Variants in PHLPP1 observed in about 807,000 individuals in gnomAD.
PHLPP1 encodes the protein PH domain leucine-rich repeat-containing protein phosphatase 1.
In PHLPP1, 42 loss-of-function variants were observed where a neutral mutation model predicts 117.2. The observed-to-expected ratio is 0.36, with a 90% CI of 0.28 to 0.46. The LOEUF is 0.46. Ranked by LOEUF, PHLPP1 falls within the 20% of genes least tolerant of loss-of-function variation. PHLPP1 has a pLI of 1.00. For missense variants in PHLPP1, 2,084 were observed against 2,241.9 expected, an observed-to-expected ratio of 0.93 and a Z score of 1.42; for synonymous variants, 1,042 against 970.7, an observed-to-expected ratio of 1.07 and a Z score of -1.37.
chr18:62,857,328 A>ATTTG (rs1206189733), intron 3 of PHLPP1, among the ~76,000 whole-genome samples: 3 of 151,034 alleles, frequency 2.0e-5, no homozygotes, highest in Non-Finnish European at 4.5e-5. Context: ...TGCAGTTTGC[A>ATTTG]TTTGTATCAA....
chr18:62,859,207 C>T (rs1915571424), intron 3 of PHLPP1, among the ~76,000 whole-genome samples: 1 of 152,210 alleles, frequency 6.6e-6, no homozygotes, highest in African/African-American at 2.4e-5. Context: ...ACTGTACTCC[C>T]ATTGCCTCTG....
intron 3 of PHLPP1, among the ~76,000 whole-genome samples, chr18:62,847,608 G>A (rs2144349108): frequency 6.6e-6 from 1 of 152,328 alleles, no homozygotes. Context: ...TTGTAAGGTA[G>A]TTGACAAGAA....
chr18:62,856,258 T>C (rs1194866809), intron 3 of PHLPP1, among the ~76,000 whole-genome samples: 1 of 152,018 alleles, frequency 6.6e-6, no homozygotes, highest in African/African-American at 2.4e-5. Context: ...TCAGAACCTT[T>C]CCACACATCC....
chr18:62,838,775 CT>C lies in PHLPP1; in HGVS notation c.1774-5del. ...ACTTGTTTCTGCTTCTCTCTGTTTG[CT>C]TTTATAGGTAGAAGAAGTGAAAAAG... On this transcript the variant is annotated splice_region_variant and splice_polypyrimidine_tract_variant and intron_variant, in intron 2 of 16. Coordinates refer to ENST00000262719, the MANE Select transcript of PHLPP1 (RefSeq NM_194449.4). The C allele has an allele frequency of 6.2e-7, 1 of 1,613,436 alleles. No individual in the cohort carries two copies. The highest frequency in any genetic ancestry group is 8.5e-7 in the Non-Finnish European group (1 of 1,179,584).
intron 1 of PHLPP1, among the ~76,000 whole-genome samples, chr18:62,788,674 T>C (rs1319457136): frequency 6.6e-6 from 1 of 152,212 alleles, no homozygotes; most frequent in East Asian, 1.9e-4. Flanking sequence ...ACATCAATCT[T>C]GAGTTGTAAA....
chr18:62,848,536 C>A (rs1336809412), intron 3 of PHLPP1, among the ~76,000 whole-genome samples: 1 of 130,888 alleles, frequency 7.6e-6, no homozygotes, highest in Non-Finnish European at 1.5e-5. Flanking sequence ...GATTACAGTT[C>A]ACTGCAGGCT....
chr18:62,716,487 C>A lies in PHLPP1; in HGVS notation c.804C>A (p.Gly268=), dbSNP rs1423281513. 1 of 1,215,310 alleles carries A rather than the reference C, an allele frequency of 8.2e-7. No individual in the cohort carries two copies. The highest frequency in any genetic ancestry group is 1.0e-6 in the Non-Finnish European group (1 of 979,088). The allele number at this position is 1,215,310 out of a possible 1,614,324, so 75.3% of individuals were successfully genotyped here. ...CCGCTGAACCGCCCCCCGAGGCCGG[C>A]CCCCGGCTGGCGCCCCCGGAGCCGC... is the stretch of plus-strand genomic sequence containing the variant. ...REPAEPPPEA[G]PRLAPPEPRD... is the part of the protein sequence containing the mutation. The change falls in exon 1 of 17, where the codon GGC becomes GGA. Residue 268 remains glycine (G), a synonymous_variant. Transcript: ENST00000262719. This position sits in a 1 kb window ranked among gnomAD's most constrained non-coding sequence, Gnocchi z 5.7.
chr18:62,941,678 T>A, intron 10 of PHLPP1, 40 bp from the exon 11 acceptor site: 1 of 1,512,924 alleles, frequency 6.6e-7, no homozygotes. Context: ...AGGGTTTTTG[T>A]GACTTTTCAA....
intron 3 of PHLPP1, among the ~76,000 whole-genome samples, chr18:62,855,512 G>T (rs1915471733): frequency 6.6e-6 from 1 of 152,230 alleles, no homozygotes; most frequent in Admixed American, 6.5e-5. Context: ...ATGGGACTGG[G>T]CAGTGGTGTA....
intron 1 of PHLPP1, among the ~76,000 whole-genome samples, chr18:62,757,605 G>C (rs978696170): frequency 6.6e-6 from 1 of 152,214 alleles, no homozygotes; most frequent in Non-Finnish European, 1.5e-5. Flanking sequence ...CTGGCAGTGT[G>C]CTGGTAGAGG....
At chr18:62,806,439 A>G (rs1913955096) in intron 1 of PHLPP1, among the ~76,000 whole-genome samples, 1 of 152,192 alleles carries the variant, frequency 6.6e-6, no homozygotes, top group Non-Finnish European at 1.5e-5. Flanking sequence ...TAAGGCATAA[A>G]AATGATCATA....
At position 62,876,551 on chromosome 18, in the gene PHLPP1, C is replaced by A. The variant is rs1293194875; in HGVS notation, c.2066+15950C>A. Among the ~76,000 whole-genome samples, 6 of 152,152 alleles carry A rather than the reference C, an allele frequency of 3.9e-5. No homozygotes were observed. In the East Asian group the frequency reaches 1.2e-3, roughly 29 times the overall value. On this transcript the variant is annotated intron_variant, in intron 4 of 16. Transcript: ENST00000262719. ...CTGTAAAGTCCTTAATAAATACTCA[C>A]TGAACTGAATTGTTGGTTTTCCCAC... is the stretch of plus-strand genomic sequence containing the variant.
chr18:62,844,257 T>C (rs1436147096), intron 3 of PHLPP1, among the ~76,000 whole-genome samples: 1 of 152,108 alleles, frequency 6.6e-6, no homozygotes, highest in Non-Finnish European at 1.5e-5. Flanking sequence ...GAATCGCTTT[T>C]GAACCCAGGA....
intron 3 of PHLPP1, among the ~76,000 whole-genome samples, chr18:62,857,047 C>T (rs1226303023): frequency 1.3e-5 from 2 of 151,964 alleles, no homozygotes; most frequent in Non-Finnish European, 2.9e-5. Context: ...ATTAAGGGCT[C>T]ACCTAGAACG....
At chr18:62,901,152 A>C (rs995639313) in intron 6 of PHLPP1, among the ~76,000 whole-genome samples, 1 of 152,170 alleles carries the variant, frequency 6.6e-6, no homozygotes, top group Non-Finnish European at 1.5e-5. Flanking sequence ...GTATTGAATG[A>C]AATTGTGTGT....
intron 11 of PHLPP1, among the ~76,000 whole-genome samples, chr18:62,943,630 G>A (rs969285150): frequency 1.8e-4 from 27 of 152,240 alleles, no homozygotes; most frequent in African/African-American, 6.5e-4. Flanking sequence ...AGAGATGCCA[G>A]GGTCTTGCGT....
chr18:62,960,549 T>A (rs1384775644), intron 13 of PHLPP1, among the ~76,000 whole-genome samples: 1 of 152,202 alleles, frequency 6.6e-6, no homozygotes, highest in African/African-American at 2.4e-5. Context: ...AATGTTCTTA[T>A]ATGATAAGAA....
intron 12 of PHLPP1, among the ~76,000 whole-genome samples, chr18:62,948,186 G>A (rs1910355319): frequency 2.0e-5 from 3 of 151,486 alleles, no homozygotes; most frequent in Admixed American, 6.6e-5. Context: ...TTAGCCAGGT[G>A]TGGTGGCACA....
chr18:62,943,500 C>T (rs1910189785), intron 11 of PHLPP1, among the ~76,000 whole-genome samples: 1 of 152,122 alleles, frequency 6.6e-6, no homozygotes, highest in African/African-American at 2.4e-5. Flanking sequence ...TGCACCATTA[C>T]CCATTAGTTT....
Sources: allele counts gnomAD v4.1 joint callset (sites outside exome capture counted in the v4.1 genomes callset), GRCh38; gene constraint gnomAD v4.1.1; non-coding constraint Gnocchi (gnomAD v3.1); transcripts MANE v1.5; gene names NCBI Gene and HGNC (gene_info 2026-07-23, HGNC 2026-07-21).